The following PDE1C variants were observed in gnomAD, a reference collection of about 807,000 sequenced individuals.
PDE1C encodes dual specificity calcium/calmodulin-dependent 3',5'-cyclic nucleotide phosphodiesterase 1C.
In PDE1C, 62 loss-of-function variants were observed where a neutral mutation model predicts 93.1. The observed-to-expected ratio is 0.67, with a 90% confidence interval of 0.54 to 0.82. The LOEUF is 0.82. PDE1C is among the 40% of genes least tolerant of loss of function. The pLI is 0.00. For missense variants in PDE1C, 742 were observed against 884.6 expected (o/e 0.84, Z 2.04); for synonymous variants, 325 against 310.1 (o/e 1.05, Z -0.50).
the PDE1C span, among the ~76,000 whole-genome samples, chr7:31,631,174 C>T: frequency 2.6e-5 from 4 of 151,908 alleles, no homozygotes; most frequent in Non-Finnish European, 1.5e-5. Context: ...TTCCAAACTG[C>T]GGAAGAGCAG....
chr7:32,071,497 C>A (rs1462074587), upstream of PDE1C: 2 of 771,540 alleles, frequency 2.6e-6, no homozygotes, highest in Admixed American at 6.6e-5. Flanking sequence ...CTCCCTTTCA[C>A]CCCCCCACCC....
At chr7:31,683,251 AAGGGAT>A in the PDE1C span, among the ~76,000 whole-genome samples, 2 of 152,200 alleles carry the variant, frequency 1.3e-5, no homozygotes, top group Admixed American at 1.3e-4. Context: ...CACAATATAC[AAGGGAT>A]CTATCTCTCT....
chr7:32,411,628 T>G (rs1785171610), intron 1 of PDE1C, among the ~76,000 whole-genome samples: 1 of 152,218 alleles, frequency 6.6e-6, no homozygotes, highest in Admixed American at 6.5e-5. Context: ...GGGACATTAC[T>G]GTATACTACT....
intron 3 of PDE1C, among the ~76,000 whole-genome samples, chr7:32,167,188 G>A (rs1802344904): frequency 6.6e-6 from 1 of 152,188 alleles, no homozygotes; most frequent in Non-Finnish European, 1.5e-5. Context: ...AGAGCAGACT[G>A]TCCCTTTGCT....
At chr7:32,186,063 CT>C (rs1803828059) in intron 2 of PDE1C, among the ~76,000 whole-genome samples, 1 of 147,778 alleles carries the variant, frequency 6.8e-6, no homozygotes, top group Admixed American at 6.8e-5. Flanking sequence ...TAGTCTTCCA[CT>C]TTTTTCCCTA....
At chr7:31,828,931 T>TAA (rs1790039314) in intron 11 of PDE1C, among the ~76,000 whole-genome samples, 1 of 152,206 alleles carries the variant, frequency 6.6e-6, no homozygotes, top group Non-Finnish European at 1.5e-5. Context: ...ATTGCTTGTG[T>TAA]CTATGAAGTT....
chr7:31,928,556 G>A (rs1292662141), intron 2 of PDE1C, among the ~76,000 whole-genome samples: 1 of 152,152 alleles, frequency 6.6e-6, no homozygotes, highest in Non-Finnish European at 1.5e-5. Context: ...ACTTACAAAG[G>A]GATGCCCATC....
At chr7:32,387,866 C>CT (rs1282021156) in intron 1 of PDE1C, among the ~76,000 whole-genome samples, 4 of 123,748 alleles carry the variant, frequency 3.2e-5, no homozygotes, top group Admixed American at 7.4e-5. Flanking sequence ...GCTGACCCCC[C>CT]TCCCCCCTCC....
In PDE1C at chr7:31,918,316, C is replaced by T. The variant is rs533758246; in HGVS notation, c.129-37456G>A. On this transcript the variant is annotated intron_variant, in intron 2 of 17. Coordinates refer to ENST00000396191, the MANE Select transcript of PDE1C (RefSeq NM_001191057.4). Reference sequence around the variant, plus strand: ...TGGAAACAGAATACCTCACACTACACGAATAAAATTTGCAACAAACTGCTA... The same window carrying T: ...TGGAAACAGAATACCTCACACTACATGAATAAAATTTGCAACAAACTGCTA... Among the ~76,000 whole-genome samples, 21 of 152,266 alleles carry T rather than the reference C, an allele frequency of 1.4e-4. No homozygotes were observed. The South Asian group carries it at 3.9e-3, about 29-fold the overall frequency.
intron 1 of PDE1C, among the ~76,000 whole-genome samples, chr7:32,411,942 A>G (rs1312794363): frequency 1.3e-5 from 2 of 151,852 alleles, no homozygotes; most frequent in Non-Finnish European, 2.9e-5. Flanking sequence ...ACATTATCCT[A>G]GGCCTACGCA....
intron 1 of PDE1C, among the ~76,000 whole-genome samples, chr7:32,274,771 T>C (rs1043326509): frequency 3.9e-5 from 6 of 152,182 alleles, no homozygotes; most frequent in Non-Finnish European, 8.8e-5. Flanking sequence ...TCAAAGAAAC[T>C]GAAATCATAG....
At chr7:31,872,806 T>C (rs747174106) in intron 6 of PDE1C, among the ~76,000 whole-genome samples, 1 of 152,118 alleles carries the variant, frequency 6.6e-6, no homozygotes, top group Non-Finnish European at 1.5e-5. Context: ...AAGAATCAAT[T>C]TGAAGCATGA....
At chr7:32,364,613 C>T (rs901527692) in intron 1 of PDE1C, among the ~76,000 whole-genome samples, 1 of 152,182 alleles carries the variant, frequency 6.6e-6, no homozygotes, top group African/African-American at 2.4e-5. Flanking sequence ...TGGAGAACTG[C>T]TGGGAATTCA....
chr7:32,317,082 CA>C (rs1783190386), intron 1 of PDE1C, among the ~76,000 whole-genome samples: 1 of 152,158 alleles, frequency 6.6e-6, no homozygotes, highest in Non-Finnish European at 1.5e-5. Flanking sequence ...ACAACTGAAG[CA>C]AATCACAAGG....
intron 2 of PDE1C, among the ~76,000 whole-genome samples, chr7:31,988,182 A>C (rs371754771): frequency 1.3e-5 from 2 of 152,100 alleles, no homozygotes; most frequent in African/African-American, 4.8e-5. Flanking sequence ...CAGGCCCCCC[A>C]GTGGTGGCAA....
At chr7:32,004,006 T>C (rs1453038438) in intron 2 of PDE1C, among the ~76,000 whole-genome samples, 1 of 151,834 alleles carries the variant, frequency 6.6e-6, no homozygotes. Context: ...CTTCCCACTG[T>C]ATGGAATGTA....
At chr7:31,909,201 G>A (rs533418866) in intron 2 of PDE1C, among the ~76,000 whole-genome samples, 4 of 152,028 alleles carry the variant, frequency 2.6e-5, no homozygotes, top group Non-Finnish European at 4.4e-5. Flanking sequence ...TCAGTTCATC[G>A]GGCTCTACTC....
chr7:32,114,918 C>G (rs1268956152), intron 3 of PDE1C, among the ~76,000 whole-genome samples: 1 of 152,190 alleles, frequency 6.6e-6, no homozygotes, highest in Non-Finnish European at 1.5e-5. Flanking sequence ...AATGAGATAT[C>G]ATCTCATGCC....
At chr7:31,957,070 T>C (rs1026814211) in intron 2 of PDE1C, among the ~76,000 whole-genome samples, 1 of 151,774 alleles carries the variant, frequency 6.6e-6, no homozygotes, top group African/African-American at 2.4e-5. Context: ...CATTAATTAC[T>C]CTTTTTAAAG....
Sources: gnomAD v4.1 joint callset for allele counts (sites outside exome capture counted in the v4.1 genomes callset) on GRCh38, gnomAD v4.1.1 for gene constraint, MANE v1.5 for transcripts, NCBI Gene and HGNC (gene_info 2026-07-23, HGNC 2026-07-21) for gene names.